Variants in WNT9A observed in about 807,000 individuals in gnomAD.
WNT9A encodes the protein protein Wnt-9a.
In WNT9A, 8 loss-of-function variants were observed where a neutral mutation model predicts 31.4. The observed-to-expected ratio is 0.26, with a 90% CI of 0.15 to 0.46. The LOEUF (loss-of-function observed/expected upper bound fraction) is 0.46. Ranked by LOEUF, WNT9A falls within the 20% of genes least tolerant of loss-of-function variation. The pLI, the probability that WNT9A is intolerant of heterozygous loss-of-function variation, is 0.99. For synonymous variants in WNT9A, 236 were observed against 220.1 expected (o/e 1.07, Z -0.64); for missense variants, 457 against 522.9 (o/e 0.87, Z 1.23).
At chr1:227,924,109 T>A in intron 3 of WNT9A, 29 bp downstream of exon 3, 2 of 1,105,492 alleles carry the variant, frequency 1.8e-6, no homozygotes, top group Non-Finnish European at 2.4e-6. Context: ...GACCCTCCCT[T>A]CCCACCCCGC....
intron 1 of WNT9A, among the ~76,000 whole-genome samples, chr1:227,940,794 T>C (rs1359484276): frequency 6.6e-6 from 1 of 152,240 alleles, no homozygotes; most frequent in Non-Finnish European, 1.5e-5. Context: ...CTGGGCTTCC[T>C]CTGGCGGGCA....
chr1:227,935,811 CCA>C (rs577899898), intron 1 of WNT9A, among the ~76,000 whole-genome samples: 134 of 152,232 alleles, frequency 8.8e-4, no homozygotes, highest in African/African-American at 3.1e-3. Context: ...TTTGTAATTT[CCA>C]CAGTCACCTT....
At chr1:227,938,750 T>C (rs370999998) in intron 1 of WNT9A, among the ~76,000 whole-genome samples, 5 of 152,312 alleles carry the variant, frequency 3.3e-5, no homozygotes, top group African/African-American at 1.2e-4. Flanking sequence ...CTGAGTCTTG[T>C]GGGCCTGTTG....
intron 1 of WNT9A, among the ~76,000 whole-genome samples, chr1:227,943,114 T>C (rs1666735026): frequency 6.6e-6 from 1 of 152,218 alleles, no homozygotes; most frequent in African/African-American, 2.4e-5. Flanking sequence ...CGGGGTCTGA[T>C]GTTGGCACTA....
At position 227,942,787 on chromosome 1, in the gene WNT9A, CCTA is replaced by C. The variant is rs1666729061; in HGVS notation, c.95+5003_95+5005del. 6.6e-6 allele frequency among the ~76,000 whole-genome samples: 1 copy of C among 152,194 alleles called. No individual in the cohort carries two copies. The highest frequency in any genetic ancestry group is 2.1e-4 in the South Asian group (1 of 4,834). On this transcript the variant is annotated intron_variant, in intron 1 of 3. Transcript: ENST00000272164. The surrounding 1 kb of genome is among the most constrained non-coding windows in gnomAD (Gnocchi z 5.7). Reference sequence around the variant, plus strand: ...GTCTCCAGGACAGTGCCTGCCCAAACCTAAGCCTGAGCTCTCAGCTGCTCCCAA... The same window carrying C: ...GTCTCCAGGACAGTGCCTGCCCAAACAGCCTGAGCTCTCAGCTGCTCCCAA...
At position 227,920,368 on chromosome 1, in the gene WNT9A, G is replaced by C. The variant is rs997146359; in HGVS notation, c.*1150C>G. The C allele has an allele frequency of 6.6e-6, 1 of 152,296 alleles. No individual in the cohort carries two copies. Among genetic ancestry groups the C allele is most frequent in the Admixed American group, 6.5e-5 (1 of 15,294 alleles). 9.4% of individuals were successfully genotyped at this position (152,296 alleles called of 1,614,324 possible). On this transcript the variant is annotated 3_prime_UTR_variant, in exon 4 of 4. Transcript: ENST00000272164. ...GGGAATATGTCAGGGACGGAAGGCGGGGCCCTCCCAGACTGGGGCTTGGCC... is the reference window on the plus strand; with the variant it reads ...GGGAATATGTCAGGGACGGAAGGCGCGGCCCTCCCAGACTGGGGCTTGGCC...
Position 227,921,260 on chromosome 1 carries a change from T to G in WNT9A, c.*258A>C, listed in dbSNP as rs939090607. 2 of 518,640 alleles carry G rather than the reference T, an allele frequency of 3.9e-6. No homozygotes were observed. The highest frequency in any genetic ancestry group is 6.7e-6 in the Non-Finnish European group (2 of 296,792). The allele number at this position is 518,640 out of a possible 1,614,324, so 32.1% of individuals were successfully genotyped here. A position where few individuals can be genotyped will look rare whatever the true frequency, so the allele number is the denominator to read the frequency against. On this transcript the variant is annotated 3_prime_UTR_variant, in exon 4 of 4. Transcript: ENST00000272164. ...GGCCCAGGGATTCAGCCTTGGCAGG[T>G]GTAGGCCCATTCATGCTCTGTGCAA...
At position 227,924,319 on chromosome 1, in the gene WNT9A, C is replaced by T. The variant is rs139076976; in HGVS notation, c.434G>A (p.Arg145His). The T allele has an allele frequency of 1.8e-4, 289 of 1,613,556 alleles. No individual in the cohort carries two copies. The highest frequency in any genetic ancestry group is 2.3e-4 in the Admixed American group (14 of 60,006). Residue 145 changes from arginine (R) to histidine (H), a missense_variant, in exon 3 of 4, where the codon CGC becomes CAC. Coordinates refer to ENST00000272164, the MANE Select transcript of WNT9A (RefSeq NM_003395.4). ...HALAKACSAG[R>H]MERCTCDEAP... ...CTCATCGCAGGTACAGCGCTCCATG[C>T]GGCCCGCGCTGCACGCCTTGGCCAG...
chr1:227,934,715 A>C (rs965796476), intron 1 of WNT9A, among the ~76,000 whole-genome samples: 2 of 152,126 alleles, frequency 1.3e-5, no homozygotes, highest in African/African-American at 2.4e-5. Flanking sequence ...CACTGTCATC[A>C]TTTCAGTTGC....
At chr1:227,938,080 C>T (rs1379440166) in intron 1 of WNT9A, among the ~76,000 whole-genome samples, 2 of 152,200 alleles carry the variant, frequency 1.3e-5, no homozygotes, top group African/African-American at 2.4e-5. Context: ...TATGCACCCT[C>T]ATCCCATGAG....
chr1:227,935,131 A>G (rs1364124114), intron 1 of WNT9A, among the ~76,000 whole-genome samples: 1 of 151,762 alleles, frequency 6.6e-6, no homozygotes, highest in East Asian at 1.9e-4. Context: ...CCAGTTCACC[A>G]TACAGAGCCT....
intron 1 of WNT9A, among the ~76,000 whole-genome samples, chr1:227,934,900 T>C (rs1293518231): frequency 6.6e-6 from 1 of 151,346 alleles, no homozygotes; most frequent in Non-Finnish European, 1.5e-5. Context: ...AGTCACAACC[T>C]TAGGTCACCA....
chr1:227,921,805 G>T lies in WNT9A; in HGVS notation c.811C>A (p.Arg271=), dbSNP rs148384382. The T allele has an allele frequency of 1.9e-6, 3 of 1,612,814 alleles. No individual in the cohort carries two copies. Among genetic ancestry groups the T allele is most frequent in the Non-Finnish European group, 2.5e-6 (3 of 1,179,836 alleles). ...AGEAGAISPP[R]GRASGAGGSD... The stretch of plus-strand genomic sequence containing the variant: ...CCACCTGCCCCCGAGGCACGGCCCC[G>T]TGGTGGGGAGATGGCACCTGCCTCG... The change falls in exon 4 of 4, where the codon CGG becomes AGG. Residue 271 remains arginine, a synonymous_variant. Coordinates refer to ENST00000272164, the MANE Select transcript of WNT9A (RefSeq NM_003395.4).
chr1:227,932,318 T>C (rs1276912093), intron 1 of WNT9A, among the ~76,000 whole-genome samples: 2 of 152,240 alleles, frequency 1.3e-5, no homozygotes, highest in Non-Finnish European at 2.9e-5. Context: ...TTGTCATCCA[T>C]TCACATTTTA....
In WNT9A at chr1:227,926,890, C is replaced by T. The variant is rs1476639; in HGVS notation, c.96-1371G>A. ...GGGCCCAAGAGGCTCCCTAGCATAC[C>T]CCATCAAAGGCAAGGCCACATAGGT... On this transcript the variant is annotated intron_variant, in intron 1 of 3. Coordinates refer to ENST00000272164, the MANE Select transcript of WNT9A (RefSeq NM_003395.4). This position sits in a 1 kb window ranked among gnomAD's most constrained non-coding sequence, Gnocchi z 5.0. Among the ~76,000 whole-genome samples the T allele has an allele frequency of 0.012, 1,791 of 152,132 alleles. 51 individuals are homozygous for T. The highest frequency in any genetic ancestry group is 0.087 in the East Asian group (447 of 5,112).
At chr1:227,924,062 T>TGGCCC in intron 3 of WNT9A, 76 bp downstream of exon 3, 1 of 234,960 alleles carries the variant, frequency 4.3e-6, no homozygotes, top group Non-Finnish European at 6.3e-6. Flanking sequence ...CCGCCCCCAG[T>TGGCCC]CCCACGCCCC....
At chr1:227,943,147 C>T (rs1042796146) in intron 1 of WNT9A, among the ~76,000 whole-genome samples, 12 of 152,248 alleles carry the variant, frequency 7.9e-5, no homozygotes, top group Non-Finnish European at 1.6e-4. Flanking sequence ...CATCCCCTCC[C>T]CACGCCCATG....
intron 1 of WNT9A, among the ~76,000 whole-genome samples, chr1:227,931,726 T>C (rs1293833239): frequency 6.6e-6 from 1 of 152,230 alleles, no homozygotes; most frequent in Admixed American, 6.5e-5. Flanking sequence ...ACATATACTT[T>C]AGTTAAAAAC....
intron 1 of WNT9A, among the ~76,000 whole-genome samples, chr1:227,937,441 C>T (rs988467425): frequency 6.6e-6 from 1 of 152,242 alleles, no homozygotes; most frequent in South Asian, 2.1e-4. Flanking sequence ...ATGCGTCTAA[C>T]GCAACCTCAG....
Sources: gnomAD v4.1 joint callset for allele counts (sites outside exome capture counted in the v4.1 genomes callset) on GRCh38, gnomAD v4.1.1 for gene constraint, Gnocchi (gnomAD v3.1) non-coding constraint, MANE v1.5 for transcripts, NCBI Gene and HGNC (gene_info 2026-07-23, HGNC 2026-07-21) for gene names.